Variants in KCNH1 observed in about 807,000 individuals in gnomAD.
KCNH1 encodes potassium voltage-gated channel subfamily H member 1, also known as voltage-gated delayed rectifier potassium channel KCNH1.
KCNH1 carries 27 observed loss-of-function variants against 69.2 expected under a neutral mutation model. The ratio of observed to expected loss-of-function variants is 0.39; its 90% CI spans 0.29 to 0.54. KCNH1 has a LOEUF of 0.54. KCNH1 is among the 20% of genes least tolerant of loss of function. The probability of loss-of-function intolerance (pLI) is 0.68; values close to 1 mark genes in which losing one functional copy is unlikely to be tolerated. For synonymous variants in KCNH1, 456 were observed against 487.7 expected (o/e 0.93, Z 0.86); for missense variants, 798 against 1,261.6 (o/e 0.63, Z 5.57).
intron 9 of KCNH1, among the ~76,000 whole-genome samples, chr1:210,793,996 G>A (rs905396198): frequency 5.3e-5 from 8 of 152,152 alleles, no homozygotes; most frequent in African/African-American, 1.9e-4. Context: ...GCAGATAGCA[G>A]GTGTTCAATG....
At chr1:211,053,263 G>C (rs1558584066) in intron 5 of KCNH1, among the ~76,000 whole-genome samples, 2 of 152,250 alleles carry the variant, frequency 1.3e-5, no homozygotes, top group African/African-American at 4.8e-5. Flanking sequence ...AGTGTTTAAA[G>C]AGTTATCAGG....
chr1:211,056,723 A>G (rs1197798552), intron 5 of KCNH1, among the ~76,000 whole-genome samples: 1 of 152,340 alleles, frequency 6.6e-6, no homozygotes, highest in East Asian at 1.9e-4. Flanking sequence ...TTGGGAGAAA[A>G]TAAGGGAAGA....
chr1:210,829,391 T>C (rs1685111267), intron 7 of KCNH1, among the ~76,000 whole-genome samples: 1 of 152,166 alleles, frequency 6.6e-6, no homozygotes, highest in South Asian at 2.1e-4. Flanking sequence ...TACTCTGTAT[T>C]GCGGCCAGGC....
chr1:210,984,309 T>C (rs537430078), intron 6 of KCNH1, among the ~76,000 whole-genome samples: 8 of 152,298 alleles, frequency 5.3e-5, no homozygotes, highest in East Asian at 1.9e-4. Flanking sequence ...TCCAACACTA[T>C]GTTGAATAGG....
intron 6 of KCNH1, among the ~76,000 whole-genome samples, chr1:210,927,869 T>C (rs1389586079): frequency 1.3e-5 from 2 of 152,068 alleles, no homozygotes; most frequent in Admixed American, 6.5e-5. Flanking sequence ...TGGAAAAAGA[T>C]ATTCTATGAA....
chr1:210,975,134 T>A (rs1027431188), intron 6 of KCNH1, among the ~76,000 whole-genome samples: 1 of 152,210 alleles, frequency 6.6e-6, no homozygotes, highest in African/African-American at 2.4e-5. Context: ...TTGGTATATT[T>A]TATAAGACAT....
chr1:210,921,795 C>T (rs1687464291), intron 6 of KCNH1, among the ~76,000 whole-genome samples: 1 of 152,126 alleles, frequency 6.6e-6, no homozygotes, highest in Admixed American at 6.5e-5. Context: ...ATGAAAAGAG[C>T]CTGGGTCCCG....
chr1:210,980,140 G>A (rs1277025351), intron 6 of KCNH1, among the ~76,000 whole-genome samples: 1 of 152,048 alleles, frequency 6.6e-6, no homozygotes, highest in Non-Finnish European at 1.5e-5. Flanking sequence ...CTTCATGGTT[G>A]GCAAACTGTA....
At chr1:210,918,586 A>AACTGTTAT (rs1290164868) in intron 7 of KCNH1, among the ~76,000 whole-genome samples, 3 of 152,214 alleles carry the variant, frequency 2.0e-5, no homozygotes, top group Non-Finnish European at 4.4e-5. Context: ...ACAGCTATAC[A>AACTGTTAT]ACAGTCAGTG....
chr1:210,809,954 T>C (rs1228693687), intron 7 of KCNH1, among the ~76,000 whole-genome samples: 1 of 152,196 alleles, frequency 6.6e-6, no homozygotes, highest in African/African-American at 2.4e-5. Flanking sequence ...TGAAGGGACT[T>C]AGAATTTTAT....
At chr1:210,868,373 C>A (rs1177292125) in intron 7 of KCNH1, among the ~76,000 whole-genome samples, 2 of 151,858 alleles carry the variant, frequency 1.3e-5, no homozygotes, top group Non-Finnish European at 2.9e-5. Context: ...CTAAAAATTT[C>A]ATTTTCTTAA....
intron 10 of KCNH1, among the ~76,000 whole-genome samples, chr1:210,760,843 T>C (rs1218710197): frequency 6.6e-6 from 1 of 152,176 alleles, no homozygotes. Flanking sequence ...GATTCAATTA[T>C]TGAATATGAT....
At position 210,775,339 on chromosome 1, in the gene KCNH1, T is replaced by G; in HGVS notation, c.2112+9A>C. 6.2e-7 allele frequency: 1 copy of G among 1,612,894 alleles called. No homozygotes were observed. Among genetic ancestry groups the G allele is most frequent in the Non-Finnish European group, 8.5e-7 (1 of 1,179,110 alleles). ...TCTTTGTGGAAAATAACTGAAACTT[T>G]TAGCTCACCCTCTTCCTCAAGTTGT... On this transcript the variant is annotated intron_variant, in intron 10 of 10. Coordinates refer to ENST00000271751, the MANE Select transcript of KCNH1 (RefSeq NM_172362.3).
At chr1:211,053,566 T>C (rs1256823397) in intron 5 of KCNH1, among the ~76,000 whole-genome samples, 3 of 152,098 alleles carry the variant, frequency 2.0e-5, no homozygotes, top group Non-Finnish European at 4.4e-5. Flanking sequence ...TCTAGAACTT[T>C]TGGTAGAAAA....
intron 9 of KCNH1, among the ~76,000 whole-genome samples, chr1:210,797,027 C>G (rs191619239): frequency 6.6e-6 from 1 of 152,276 alleles, no homozygotes; most frequent in East Asian, 1.9e-4. Flanking sequence ...CTCTTGTGTT[C>G]CAGCCACACT....
At chr1:211,001,115 T>C (rs189022712) in intron 6 of KCNH1, among the ~76,000 whole-genome samples, 1,957 of 152,290 alleles carry the variant, frequency 0.013, 18 homozygotes, top group Non-Finnish European at 0.021. Context: ...AAGGACTTCA[T>C]GTATAAAACA....
At position 210,928,241 on chromosome 1, in the gene KCNH1, C is replaced by G. The variant is rs190707028; in HGVS notation, c.1033-8172G>C. Among the ~76,000 whole-genome samples, 8 of 152,254 alleles carry G rather than the reference C, an allele frequency of 5.3e-5. No homozygotes were observed. The East Asian group carries it at 1.5e-3, about 29-fold the overall frequency. On this transcript the variant is annotated intron_variant, in intron 6 of 10. Coordinates refer to ENST00000271751, the MANE Select transcript of KCNH1 (RefSeq NM_172362.3). The stretch of plus-strand genomic sequence containing the variant: ...GATATTTACAGAATATTCTACTCAA[C>G]AACTGCAGAATACACATTCAGCACA...
chr1:210,756,158 C>T (rs1179749602), intron 10 of KCNH1, among the ~76,000 whole-genome samples: 1 of 152,166 alleles, frequency 6.6e-6, no homozygotes, highest in Non-Finnish European at 1.5e-5. Flanking sequence ...CTGCCATCTG[C>T]CATAGGATTT....
chr1:211,055,828 T>C (rs527482211), intron 5 of KCNH1, among the ~76,000 whole-genome samples: 1 of 152,344 alleles, frequency 6.6e-6, no homozygotes, highest in African/African-American at 2.4e-5. Flanking sequence ...GGGAACCTGA[T>C]GCCTTGAACA....
Sources: gnomAD v4.1 joint callset for allele counts (sites outside exome capture counted in the v4.1 genomes callset) on GRCh38, gnomAD v4.1.1 for gene constraint, MANE v1.5 for transcripts, NCBI Gene and HGNC (gene_info 2026-07-23, HGNC 2026-07-21) for gene names.